The following LINGO2 variants were observed in gnomAD, a reference collection of about 807,000 sequenced individuals.
LINGO2 encodes leucine-rich repeat and immunoglobulin-like domain-containing nogo receptor-interacting protein 2.
In LINGO2, 14 loss-of-function variants were observed where a neutral mutation model predicts 30.6. The ratio of observed to expected loss-of-function variants is 0.46; its 90% CI spans 0.30 to 0.72. The LOEUF (loss-of-function observed/expected upper bound fraction) is 0.72. LINGO2 is among the 30% of genes least tolerant of loss of function. The pLI, the probability that LINGO2 is intolerant of heterozygous loss-of-function variation, is 0.07. For missense variants in LINGO2, 729 were observed against 751.7 expected (o/e 0.97, Z 0.35); for synonymous variants, 317 against 288.5 (o/e 1.10, Z -1.00).
chr9:28,813,670 G>A, the LINGO2 span, among the ~76,000 whole-genome samples: 6 of 152,062 alleles, frequency 3.9e-5, no homozygotes, highest in African/African-American at 1.4e-4. Flanking sequence ...CGAATAAACA[G>A]ACAAACAAGG....
intron 4 of LINGO2, among the ~76,000 whole-genome samples, chr9:28,038,489 C>A (rs370671161): frequency 1.3e-5 from 2 of 151,988 alleles, no homozygotes; most frequent in African/African-American, 4.8e-5. Context: ...GTCAGGAGAT[C>A]GAGACCATCC....
chr9:29,030,353 G>A, the LINGO2 span, among the ~76,000 whole-genome samples: 1 of 152,010 alleles, frequency 6.6e-6, no homozygotes, highest in Non-Finnish European at 1.5e-5. Flanking sequence ...GTATAGAAAA[G>A]TTGGAAAAAT....
chr9:28,548,784 C>A (rs908773732), intron 1 of LINGO2, among the ~76,000 whole-genome samples: 16 of 145,756 alleles, frequency 1.1e-4, no homozygotes, highest in Non-Finnish European at 1.7e-4. Flanking sequence ...TGTGTATTAA[C>A]TACCTCAGGG....
chr9:28,432,898 C>T (rs974551121), intron 2 of LINGO2, among the ~76,000 whole-genome samples: 12 of 151,872 alleles, frequency 7.9e-5, no homozygotes, highest in Admixed American at 2.0e-4. Flanking sequence ...AATCACAATT[C>T]CACTAGTAGA....
intron 5 of LINGO2, among the ~76,000 whole-genome samples, chr9:27,975,953 A>G (rs1056916706): frequency 6.6e-6 from 1 of 152,126 alleles, no homozygotes; most frequent in African/African-American, 2.4e-5. Context: ...TATGGAAACA[A>G]GTGTCTATTA....
chr9:28,374,147 C>T (rs938026778), intron 2 of LINGO2, among the ~76,000 whole-genome samples: 10 of 150,638 alleles, frequency 6.6e-5, no homozygotes, highest in Admixed American at 2.6e-4. Flanking sequence ...TGAAGGCCTA[C>T]GGAGTATTTG....
At chr9:28,200,846 T>G (rs1174967473) in intron 4 of LINGO2, among the ~76,000 whole-genome samples, 1 of 152,200 alleles carries the variant, frequency 6.6e-6, no homozygotes, top group African/African-American at 2.4e-5. Flanking sequence ...AAAATGACTT[T>G]GGTTAAAAAC....
At chr9:28,992,102 T>A in the LINGO2 span, among the ~76,000 whole-genome samples, 3 of 151,904 alleles carry the variant, frequency 2.0e-5, no homozygotes, top group Non-Finnish European at 4.4e-5. Flanking sequence ...CCCATCAGAG[T>A]GCTATATTCA....
the LINGO2 span, among the ~76,000 whole-genome samples, chr9:28,754,706 C>T: frequency 1.3e-5 from 2 of 151,684 alleles, no homozygotes; most frequent in African/African-American, 2.4e-5. Context: ...TCTCAGCTCC[C>T]TGCAACCTCC....
chr9:27,965,079 TAGAC>T (rs1820031961), intron 5 of LINGO2, among the ~76,000 whole-genome samples: 1 of 152,132 alleles, frequency 6.6e-6, no homozygotes, highest in Admixed American at 6.6e-5. Context: ...AGGAAGGAGT[TAGAC>T]AGAAGTCATG....
At chr9:28,155,719 T>G (rs543246686) in intron 4 of LINGO2, among the ~76,000 whole-genome samples, 3 of 152,330 alleles carry the variant, frequency 2.0e-5, no homozygotes, top group Admixed American at 6.5e-5. Flanking sequence ...GTTAAAATTC[T>G]AACTCTGGAG....
At chr9:28,504,043 A>G (rs56041155) in intron 1 of LINGO2, among the ~76,000 whole-genome samples, 8,726 of 151,846 alleles carry the variant, frequency 0.057, 644 homozygotes, top group African/African-American at 0.17. Flanking sequence ...CAGCAGAAAA[A>G]CTATCATCAA....
At chr9:28,216,043 C>A (rs1820756318) in intron 4 of LINGO2, among the ~76,000 whole-genome samples, 1 of 151,828 alleles carries the variant, frequency 6.6e-6, no homozygotes, top group South Asian at 2.1e-4. Context: ...ATTGACATTA[C>A]CCCTGTCTGG....
At chr9:28,798,070 G>T in the LINGO2 span, among the ~76,000 whole-genome samples, 1 of 152,130 alleles carries the variant, frequency 6.6e-6, no homozygotes, top group African/African-American at 2.4e-5. Context: ...TTTTGGTTGA[G>T]CGTAAAGGTC....
the LINGO2 span, among the ~76,000 whole-genome samples, chr9:28,902,912 A>C: frequency 6.6e-6 from 1 of 152,072 alleles, no homozygotes; most frequent in East Asian, 1.9e-4. Flanking sequence ...ATAAACACCT[A>C]CATAAAAAAT....
the LINGO2 span, among the ~76,000 whole-genome samples, chr9:29,199,562 G>A: frequency 8.6e-5 from 13 of 152,002 alleles, no homozygotes; most frequent in Admixed American, 4.6e-4. Flanking sequence ...GCATAGAGGC[G>A]AACTGGGAGA....
the LINGO2 span, among the ~76,000 whole-genome samples, chr9:28,839,495 G>A: frequency 6.6e-6 from 1 of 152,096 alleles, no homozygotes; most frequent in Non-Finnish European, 1.5e-5. Context: ...GCAGAGAGGA[G>A]ACCAGGAGTG....
the LINGO2 span, among the ~76,000 whole-genome samples, chr9:28,998,245 CAA>C: frequency 4.6e-5 from 7 of 152,146 alleles, no homozygotes; most frequent in Non-Finnish European, 8.8e-5. Flanking sequence ...AGAAATACCA[CAA>C]GTTACATACT....
At chr9:28,640,998 G>T (rs535523554) in intron 1 of LINGO2, among the ~76,000 whole-genome samples, 75 of 152,168 alleles carry the variant, frequency 4.9e-4, no homozygotes, top group South Asian at 8.3e-4. Flanking sequence ...GTACAGATGG[G>T]GTTTTGGTGT....
Sources: gnomAD v4.1 joint callset for allele counts (sites outside exome capture counted in the v4.1 genomes callset) on GRCh38, gnomAD v4.1.1 for gene constraint, MANE v1.5 for transcripts, NCBI Gene and HGNC (gene_info 2026-07-23, HGNC 2026-07-21) for gene names.